RAPH1: variants seen among roughly 807,000 people sequenced by gnomAD.
RAPH1 encodes Ras association (RalGDS/AF-6) and pleckstrin homology domains 1.
A neutral mutation model predicts 88.1 loss-of-function variants in RAPH1; 18 were observed. The ratio of observed to expected loss-of-function variants is 0.20; its 90% CI spans 0.14 to 0.30. The LOEUF (loss-of-function observed/expected upper bound fraction) is 0.30. Among genes scored for constraint, RAPH1 ranks in the 10% least tolerant of loss-of-function variants. RAPH1 has a pLI of 1.00. For missense variants in RAPH1, 1,448 were observed against 1,543.2 expected (o/e 0.94, Z 1.03); for synonymous variants, 587 against 559.0 (o/e 1.05, Z -0.71).
In RAPH1 at chr2:203,448,874, G is replaced by A; in HGVS notation, c.1414-38C>T. ...AGACAAAATCCAACTAAGTCCCTTG[G>A]AGAACTAAAGAAAAACAAACTTTAT... On this transcript the variant is annotated intron_variant, in intron 10 of 13. Transcript: ENST00000319170. The surrounding 1 kb of genome is among the most constrained non-coding windows in gnomAD (Gnocchi z 4.1). 7.1e-7 allele frequency: 1 copy of A among 1,415,946 alleles called. No homozygotes were observed. The highest frequency in any genetic ancestry group is 9.8e-7 in the Non-Finnish European group (1 of 1,016,866). The allele number at this position is 1,415,946 out of a possible 1,614,324, so 87.7% of individuals were successfully genotyped here.
intron 4 of RAPH1, among the ~76,000 whole-genome samples, chr2:203,485,568 T>G (rs973545730): frequency 1.3e-5 from 2 of 152,138 alleles, no homozygotes; most frequent in African/African-American, 4.8e-5. Context: ...CCTGGAGATA[T>G]TCTATATTTA....
At position 203,472,127 on chromosome 2, in the gene RAPH1, CT is replaced by C. The variant is rs531692694; in HGVS notation, c.733-10203del. Among the ~76,000 whole-genome samples the C allele has an allele frequency of 3.6e-3, 499 of 140,466 alleles. 1 individual carries two copies. The highest frequency in any genetic ancestry group is 5.2e-3 in the South Asian group (23 of 4,408). The allele number at this position is 140,466 out of a possible 152,430, so 92.2% of individuals were successfully genotyped here. A position where few individuals can be genotyped will look rare whatever the true frequency, so the allele number is the denominator to read the frequency against. On this transcript the variant is annotated intron_variant, in intron 4 of 13. Transcript: ENST00000319170. ...TAGCCATTCTTTGGTTTCTTTAGTT[CT>C]TTTTTTTTTTTTTTATTTTTTTGAG...
At chr2:203,472,312 A>C (rs1223602944) in intron 4 of RAPH1, among the ~76,000 whole-genome samples, 1 of 151,992 alleles carries the variant, frequency 6.6e-6, no homozygotes, top group Non-Finnish European at 1.5e-5. Context: ...TTGTATTTTT[A>C]TTAGAGACAG....
At chr2:203,489,139 GAAAAAAAAAGGAGAA>G (rs1453687018) in intron 4 of RAPH1, among the ~76,000 whole-genome samples, 2 of 145,272 alleles carry the variant, frequency 1.4e-5, no homozygotes, top group Non-Finnish European at 3.0e-5. Flanking sequence ...CCATCTCAAA[GAAAAAAAAAGGAGAA>G]AAAAAAAAAG....
chr2:203,517,163 G>A (rs1311218873), intron 1 of RAPH1, among the ~76,000 whole-genome samples: 1 of 151,854 alleles, frequency 6.6e-6, no homozygotes, highest in East Asian at 1.9e-4. Flanking sequence ...TAAACCAACA[G>A]AGAAAAATAT....
intron 13 of RAPH1, chr2:203,444,446 AAAAG>A (rs1352930988): frequency 1.8e-5 from 3 of 162,488 alleles, no homozygotes; most frequent in Admixed American, 6.4e-5. Context: ...AAAAAAAAAA[AAAAG>A]GAAGAAGAAA....
At chr2:203,493,724 G>A (rs981955349) in intron 2 of RAPH1, among the ~76,000 whole-genome samples, 3 of 151,990 alleles carry the variant, frequency 2.0e-5, no homozygotes, top group Non-Finnish European at 4.4e-5. Flanking sequence ...TGTAATCCCA[G>A]CAGTTTGAGA....
chr2:203,466,130 C>T (rs2098528261), intron 4 of RAPH1, among the ~76,000 whole-genome samples: 1 of 152,134 alleles, frequency 6.6e-6, no homozygotes, highest in African/African-American at 2.4e-5. Flanking sequence ...TTAACTTCAA[C>T]CTAGGCATAT....
chr2:203,506,750 A>C lies in RAPH1; in HGVS notation c.1-11397T>G, dbSNP rs1252643719. Among the ~76,000 whole-genome samples, 15 of 131,678 alleles carry C rather than the reference A, an allele frequency of 1.1e-4. 2 individuals carry two copies. Among genetic ancestry groups the C allele is most frequent in the South Asian group, 2.2e-4 (1 of 4,464 alleles). 86.4% of individuals were successfully genotyped at this position (131,678 alleles called of 152,430 possible). ...CATATATAGATATATATCTATATATATATATATCTATATATATATCTATAT... is the reference window on the plus strand; with the variant it reads ...CATATATAGATATATATCTATATATCTATATATCTATATATATATCTATAT... On this transcript the variant is annotated intron_variant, in intron 1 of 13. Coordinates refer to ENST00000319170, the MANE Select transcript of RAPH1 (RefSeq NM_213589.3).
chr2:203,478,604 C>A (rs887003528), intron 4 of RAPH1, among the ~76,000 whole-genome samples: 3 of 152,068 alleles, frequency 2.0e-5, no homozygotes, highest in Non-Finnish European at 4.4e-5. Flanking sequence ...ATTTTCCTGC[C>A]TCAGCCTCCT....
intron 12 of RAPH1, chr2:203,445,672 G>T: frequency 6.6e-6 from 1 of 152,334 alleles, no homozygotes. Context: ...AGGCTGAGGT[G>T]GGAGGATCAT....
chr2:203,487,907 T>C (rs938539625), intron 4 of RAPH1, among the ~76,000 whole-genome samples: 4 of 152,144 alleles, frequency 2.6e-5, no homozygotes, highest in Non-Finnish European at 5.9e-5. Flanking sequence ...TGATGGAAAT[T>C]AATCCAAAGA....
chr2:203,491,182 T>A (rs1688248635), intron 3 of RAPH1, 32 bp downstream of exon 3: 1 of 1,439,208 alleles, frequency 6.9e-7, no homozygotes, highest in African/African-American at 1.4e-5. Context: ...CTTAGCATAC[T>A]ATTTTACATT....
At chr2:203,495,563 A>G (rs1287454904) in intron 1 of RAPH1, among the ~76,000 whole-genome samples, 1 of 152,232 alleles carries the variant, frequency 6.6e-6, no homozygotes, top group African/African-American at 2.4e-5. Flanking sequence ...ATTTTTTAGG[A>G]AACTGTAAAA....
intron 1 of RAPH1, among the ~76,000 whole-genome samples, chr2:203,510,651 T>A (rs2105922104): frequency 6.6e-6 from 1 of 152,208 alleles, no homozygotes; most frequent in East Asian, 1.9e-4. Flanking sequence ...TAGTTAGATA[T>A]AAACCAATAG....
intron 1 of RAPH1, among the ~76,000 whole-genome samples, chr2:203,500,053 TTTGATTTCA>T (rs778069676): frequency 2.6e-5 from 4 of 152,194 alleles, no homozygotes; most frequent in Non-Finnish European, 4.4e-5. Context: ...CAAGAGAAGC[TTTGATTTCA>T]TTGAACATTC....
chr2:203,511,665 A>G (rs576284206), intron 1 of RAPH1, among the ~76,000 whole-genome samples: 79 of 152,248 alleles, frequency 5.2e-4, no homozygotes, highest in Middle Eastern at 6.8e-3. Flanking sequence ...CCAGGGTTTC[A>G]TTCCAAAATT....
chr2:203,448,890 C>G lies in RAPH1; in HGVS notation c.1414-54G>C, dbSNP rs1188975189. The G allele has an allele frequency of 8.6e-7, 1 of 1,164,968 alleles. No homozygotes were observed. The highest frequency in any genetic ancestry group is 1.3e-6 in the Non-Finnish European group (1 of 795,086). 72.2% of individuals were successfully genotyped at this position (1,164,968 alleles called of 1,614,324 possible). ...AGTCCCTTGGAGAACTAAAGAAAAACAAACTTTATCAAAGCTTAAACATAT... is the reference window on the plus strand; with the variant it reads ...AGTCCCTTGGAGAACTAAAGAAAAAGAAACTTTATCAAAGCTTAAACATAT... On this transcript the variant is annotated intron_variant, in intron 10 of 13. Transcript: ENST00000319170. This position sits in a 1 kb window ranked among gnomAD's most constrained non-coding sequence, Gnocchi z 4.1.
At chr2:203,453,208 A>G (rs1380463946) in intron 10 of RAPH1, among the ~76,000 whole-genome samples, 1 of 152,166 alleles carries the variant, frequency 6.6e-6, no homozygotes, top group African/African-American at 2.4e-5. Flanking sequence ...AGGTACCTAA[A>G]ATGATACAGT....
Sources: allele counts gnomAD v4.1 joint callset (sites outside exome capture counted in the v4.1 genomes callset), GRCh38; gene constraint gnomAD v4.1.1; non-coding constraint Gnocchi (gnomAD v3.1); transcripts MANE v1.5; gene names NCBI Gene and HGNC (gene_info 2026-07-23, HGNC 2026-07-21).